CNBD1: variants seen among roughly 807,000 people sequenced by gnomAD.
The protein encoded by CNBD1 is cyclic nucleotide-binding domain-containing protein 1.
Under a neutral mutation model 54.4 loss-of-function variants are expected in CNBD1, and 71 were observed. The observed-to-expected ratio is 1.30, with a 90% CI of 1.08 to 1.59. The LOEUF is 1.59. CNBD1 is among the 40% of genes most tolerant of loss of function. CNBD1 has a pLI of 0.00. For synonymous variants in CNBD1, 182 were observed against 170.7 expected, an observed-to-expected ratio of 1.07 and a Z score of -0.51; for missense variants, 659 against 518.0, an observed-to-expected ratio of 1.27 and a Z score of -2.64.
chr8:87,236,036 C>T (rs1365640448), intron 5 of CNBD1, among the ~76,000 whole-genome samples: 1 of 151,928 alleles, frequency 6.6e-6, no homozygotes, highest in Non-Finnish European at 1.5e-5. Context: ...ACATGGCAAG[C>T]ATTTGATGAC....
At chr8:86,926,448 CAA>C (rs1288450404) in intron 3 of CNBD1, among the ~76,000 whole-genome samples, 1 of 152,078 alleles carries the variant, frequency 6.6e-6, no homozygotes, top group African/African-American at 2.4e-5. Context: ...CTGGGGGAAA[CAA>C]ATTTGACAAG....
chr8:87,355,758 T>C (rs1032731859), intron 10 of CNBD1, among the ~76,000 whole-genome samples: 1 of 152,186 alleles, frequency 6.6e-6, no homozygotes, highest in Non-Finnish European at 1.5e-5. Flanking sequence ...AATACTGTTA[T>C]CCTGAATTTC....
At chr8:87,256,017 T>A (rs61356318) in intron 6 of CNBD1, among the ~76,000 whole-genome samples, 441 of 18,540 alleles carry the variant, frequency 0.024, 1 homozygote, top group East Asian at 0.048. Flanking sequence ...ATATATATAT[T>A]TTTTTTTTTT....
intron 4 of CNBD1, among the ~76,000 whole-genome samples, chr8:87,068,568 C>T (rs537947254): frequency 1.3e-5 from 2 of 151,970 alleles, no homozygotes; most frequent in Admixed American, 1.3e-4. Context: ...AATAATCTTG[C>T]TTGTGTTTTG....
intron 4 of CNBD1, among the ~76,000 whole-genome samples, chr8:86,993,874 C>A (rs1808809795): frequency 6.6e-6 from 1 of 152,180 alleles, no homozygotes; most frequent in Non-Finnish European, 1.5e-5. Context: ...GAGAGATGAC[C>A]TCATCACTAT....
At chr8:86,954,259 C>A (rs533285622) in intron 4 of CNBD1, among the ~76,000 whole-genome samples, 2 of 152,276 alleles carry the variant, frequency 1.3e-5, no homozygotes, top group South Asian at 4.1e-4. Context: ...AAAATAAAAC[C>A]TTACAGACAA....
chr8:86,955,895 A>G, intron 4 of CNBD1, among the ~76,000 whole-genome samples: 1 of 152,148 alleles, frequency 6.6e-6, no homozygotes, highest in East Asian at 1.9e-4. Flanking sequence ...TTAGTCATGA[A>G]GTCCTTGCCC....
chr8:87,114,338 C>T (rs771372356), intron 4 of CNBD1, among the ~76,000 whole-genome samples: 1 of 151,976 alleles, frequency 6.6e-6, no homozygotes, highest in Non-Finnish European at 1.5e-5. Flanking sequence ...CATTTCATCT[C>T]CTGAAGATTG....
At chr8:87,321,395 C>T (rs557303370) in intron 8 of CNBD1, among the ~76,000 whole-genome samples, 1 of 152,094 alleles carries the variant, frequency 6.6e-6, no homozygotes, top group East Asian at 1.9e-4. Flanking sequence ...ATCCCAACAC[C>T]TGTAAGGCAA....
intron 4 of CNBD1, among the ~76,000 whole-genome samples, chr8:87,149,711 A>G (rs1273943806): frequency 6.6e-6 from 1 of 152,136 alleles, no homozygotes; most frequent in Non-Finnish European, 1.5e-5. Context: ...ACTCTTGTAA[A>G]GGGATATGAT....
intron 10 of CNBD1, among the ~76,000 whole-genome samples, chr8:87,379,058 A>C (rs550187469): frequency 6.6e-6 from 1 of 151,074 alleles, no homozygotes; most frequent in South Asian, 2.1e-4. Flanking sequence ...TTTGGGGCTG[A>C]GACAATGGGG....
At chr8:87,308,943 C>A (rs1044066906) in intron 8 of CNBD1, among the ~76,000 whole-genome samples, 1 of 152,126 alleles carries the variant, frequency 6.6e-6, no homozygotes. Flanking sequence ...ATACCTCAAT[C>A]GTATTCTATT....
chr8:87,108,820 C>A (rs181355187), intron 4 of CNBD1, among the ~76,000 whole-genome samples: 1 of 152,192 alleles, frequency 6.6e-6, no homozygotes, highest in East Asian at 1.9e-4. Context: ...TAACTCACCT[C>A]GGTTTATAAT....
Position 87,166,057 on chromosome 8 carries a change from AAG to A in CNBD1, c.432-39935_432-39934del, listed in dbSNP as rs1327307831. On this transcript the variant is annotated intron_variant, in intron 4 of 10. Transcript: ENST00000518476. This position sits in a 1 kb window ranked among gnomAD's most constrained non-coding sequence, Gnocchi z 4.3. Reference sequence around the variant, plus strand: ...TGAATTGTCATTTTGAAGGCCTTATAAGGGCATCTTCTACCATATCTGAAATA... The same window carrying A: ...TGAATTGTCATTTTGAAGGCCTTATAGGCATCTTCTACCATATCTGAAATA... Among the ~76,000 whole-genome samples, 1 of 151,912 alleles carries A rather than the reference AAG, an allele frequency of 6.6e-6. No homozygotes were observed. Among genetic ancestry groups the A allele is most frequent in the Admixed American group, 6.6e-5 (1 of 15,204 alleles).
At chr8:87,030,891 C>A (rs1809770363) in intron 4 of CNBD1, among the ~76,000 whole-genome samples, 1 of 88,908 alleles carries the variant, frequency 1.1e-5, no homozygotes, top group African/African-American at 4.0e-5. Context: ...CCTTCCCCTC[C>A]CCTCTCCTCC....
At chr8:87,065,713 C>CT (rs1810634474) in intron 4 of CNBD1, among the ~76,000 whole-genome samples, 1 of 151,912 alleles carries the variant, frequency 6.6e-6, no homozygotes, top group Admixed American at 6.6e-5. Context: ...TATTAGCCCT[C>CT]TAATGCCTTT....
chr8:87,094,539 T>C (rs569360808), intron 4 of CNBD1, among the ~76,000 whole-genome samples: 61 of 152,058 alleles, frequency 4.0e-4, no homozygotes, highest in Non-Finnish European at 7.1e-4. Context: ...TTGGCAGATT[T>C]ATTCATTTCA....
chr8:87,368,265 C>T (rs76040900), intron 10 of CNBD1, among the ~76,000 whole-genome samples: 2,885 of 151,924 alleles, frequency 0.019, 94 homozygotes, highest in African/African-American at 0.063. Context: ...CTTGATTGAA[C>T]GCTGTCAAAA....
intron 2 of CNBD1, among the ~76,000 whole-genome samples, chr8:87,416,219 A>G (rs561358122): frequency 6.6e-6 from 1 of 152,178 alleles, no homozygotes; most frequent in South Asian, 2.1e-4. Flanking sequence ...ACCTCTTGCA[A>G]TATATAATAG....
Sources: allele counts gnomAD v4.1 joint callset (sites outside exome capture counted in the v4.1 genomes callset), GRCh38; gene constraint gnomAD v4.1.1; non-coding constraint Gnocchi (gnomAD v3.1); transcripts MANE v1.5; gene names NCBI Gene and HGNC (gene_info 2026-07-23, HGNC 2026-07-21).